Variants in DOCK7 observed in about 807,000 individuals in gnomAD.
DOCK7 encodes dedicator of cytokinesis protein 7.
DOCK7 carries 138 observed loss-of-function variants against 271.0 expected under a neutral mutation model. That is an observed-to-expected ratio of 0.51 (90% CI 0.44 to 0.59). The LOEUF (loss-of-function observed/expected upper bound fraction) is 0.59. Among genes scored for constraint, DOCK7 ranks in the 20% least tolerant of loss-of-function variants. DOCK7 has a pLI of 0.00. For synonymous variants in DOCK7, 823 were observed against 876.1 expected, an observed-to-expected ratio of 0.94 and a Z score of 1.07; for missense variants, 2,066 against 2,592.4, an observed-to-expected ratio of 0.80 and a Z score of 4.41.
chr1:62,462,069 TC>T lies in DOCK7; in HGVS notation c.6213-4365del, dbSNP rs766453297. Among the ~76,000 whole-genome samples the T allele has an allele frequency of 5.0e-3, 609 of 120,808 alleles. 3 individuals carry two copies. Among genetic ancestry groups the T allele is most frequent in the Non-Finnish European group, 7.4e-3 (423 of 57,438 alleles). The allele number at this position is 120,808 out of a possible 152,430, so 79.3% of individuals were successfully genotyped here. A position where few individuals can be genotyped will look rare whatever the true frequency, so the allele number is the denominator to read the frequency against. ...CTGGGCAACAAGAACAAAACTCATC[TC>T]AAAAAAAAAAAAAATTAATAAAATC... On this transcript the variant is annotated intron_variant, in intron 48 of 49. Transcript: ENST00000635253.
chr1:62,520,026 G>C (rs1350272654), intron 31 of DOCK7, among the ~76,000 whole-genome samples: 1 of 152,160 alleles, frequency 6.6e-6, no homozygotes, highest in Non-Finnish European at 1.5e-5. Flanking sequence ...TTAATAAATG[G>C]TGTTCGGAAC....
At chr1:62,629,124 C>T (rs189539175) in intron 11 of DOCK7, 1 of 152,296 alleles carries the variant, frequency 6.6e-6, no homozygotes, top group African/African-American at 2.4e-5. Context: ...CCTTCACACA[C>T]TAGTGGAATG....
At position 62,568,354 on chromosome 1, in the gene DOCK7, G is replaced by A. The variant is rs181949744; in HGVS notation, c.2113-6651C>T. Among the ~76,000 whole-genome samples the A allele has an allele frequency of 5.9e-3, 895 of 151,004 alleles. 6 individuals are homozygous for A. Among genetic ancestry groups the A allele is most frequent in the Middle Eastern group, 0.027 (8 of 292 alleles). ...GTCTCGCTGTCACCTAGACTGGAGT[G>A]CAGTGGCACGATCTCAGCTCACTGC... On this transcript the variant is annotated intron_variant, in intron 18 of 49. Coordinates refer to ENST00000635253, the MANE Select transcript of DOCK7 (RefSeq NM_001367561.1).
At chr1:62,639,620 G>A (rs1373381409) in intron 7 of DOCK7, among the ~76,000 whole-genome samples, 1 of 151,552 alleles carries the variant, frequency 6.6e-6, no homozygotes, top group East Asian at 1.9e-4. Flanking sequence ...ATTTTTAGTA[G>A]AGGGTTCACT....
At chr1:62,459,633 T>A (rs1390894956) in intron 48 of DOCK7, among the ~76,000 whole-genome samples, 3 of 152,148 alleles carry the variant, frequency 2.0e-5, no homozygotes, top group Admixed American at 2.0e-4. Context: ...TAATCTAGAT[T>A]AATATAATTT....
chr1:62,653,395 T>C (rs1384516396), intron 4 of DOCK7, among the ~76,000 whole-genome samples: 1 of 152,212 alleles, frequency 6.6e-6, no homozygotes, highest in African/African-American at 2.4e-5. Flanking sequence ...TAAACTGGAT[T>C]CTTTTTGAGA....
At chr1:62,636,384 ATATT>A (rs1203023633) in intron 8 of DOCK7, among the ~76,000 whole-genome samples, 149 bp downstream of exon 8, 113 of 152,346 alleles carry the variant, frequency 7.4e-4, no homozygotes, top group African/African-American at 2.6e-3. Context: ...TTATAAGAAA[ATATT>A]TAACTAGTCC....
intron 7 of DOCK7, 124 bp from the exon 8 acceptor site, chr1:62,636,727 A>G: frequency 1.4e-6 from 1 of 710,052 alleles, no homozygotes; most frequent in Non-Finnish European, 2.3e-6. Context: ...GCCTTTGCCT[A>G]TATTAAAACT....
At chr1:62,606,540 C>T (rs146824923) in intron 14 of DOCK7, among the ~76,000 whole-genome samples, 53 of 152,202 alleles carry the variant, frequency 3.5e-4, no homozygotes, top group African/African-American at 1.2e-3. Context: ...TAAGTCTAAT[C>T]CCCTTTGATC....
At chr1:62,651,660 T>C (rs567088818) in intron 4 of DOCK7, among the ~76,000 whole-genome samples, 24 of 152,024 alleles carry the variant, frequency 1.6e-4, no homozygotes, top group Non-Finnish European at 2.6e-4. Flanking sequence ...AGATAACGAA[T>C]TGATTTTTAT....
At chr1:62,513,958 G>C in intron 31 of DOCK7, 60 bp from the exon 32 acceptor site, 1 of 1,450,868 alleles carries the variant, frequency 6.9e-7, no homozygotes, top group Non-Finnish European at 9.3e-7. Flanking sequence ...TTGTTTTTTG[G>C]CTATCAACTG....
At chr1:62,659,432 T>A (rs1658413332) in intron 2 of DOCK7, among the ~76,000 whole-genome samples, 3 of 150,570 alleles carry the variant, frequency 2.0e-5, no homozygotes, top group Non-Finnish European at 3.0e-5. Context: ...TAAATCAAAA[T>A]GGAATTCTAA....
chr1:62,595,624 C>G (rs554762768), intron 14 of DOCK7, among the ~76,000 whole-genome samples: 2 of 152,230 alleles, frequency 1.3e-5, no homozygotes, highest in East Asian at 1.9e-4. Context: ...AATGAAGAGG[C>G]ATTTCTAAGA....
intron 1 of DOCK7, among the ~76,000 whole-genome samples, chr1:62,683,508 CT>C (rs1661392962): frequency 6.6e-6 from 1 of 152,172 alleles, no homozygotes; most frequent in African/African-American, 2.4e-5. Flanking sequence ...AATTATGCTA[CT>C]TATGCAGCAA....
In DOCK7 at chr1:62,455,391, T is replaced by C. The variant is rs2149215314; in HGVS notation, c.*23A>G. The C allele has an allele frequency of 6.2e-7, 1 of 1,612,272 alleles. No individual in the cohort carries two copies. The highest frequency in any genetic ancestry group is 2.2e-5 in the East Asian group (1 of 44,808). ...TGTTGAATACATGGCTCTTTGCAGA[T>C]GAATAAAACAAGTGCATTCAGTTTA... On this transcript the variant is annotated 3_prime_UTR_variant, in exon 50 of 50. Coordinates refer to ENST00000635253, the MANE Select transcript of DOCK7 (RefSeq NM_001367561.1).
chr1:62,653,015 G>A (rs1344995374), intron 4 of DOCK7, among the ~76,000 whole-genome samples: 1 of 152,110 alleles, frequency 6.6e-6, no homozygotes, highest in Non-Finnish European at 1.5e-5. Flanking sequence ...GTGCTATTTT[G>A]CATAGATTAT....
chr1:62,669,927 T>C (rs1221989284), intron 1 of DOCK7, among the ~76,000 whole-genome samples: 1 of 152,230 alleles, frequency 6.6e-6, no homozygotes, highest in Non-Finnish European at 1.5e-5. Flanking sequence ...TGTGCGGCAC[T>C]TGCGGGCCAG....
chr1:62,644,651 GTAGAAA>G (rs1198142590), intron 7 of DOCK7, among the ~76,000 whole-genome samples: 6 of 152,130 alleles, frequency 3.9e-5, no homozygotes, highest in African/African-American at 1.4e-4. Flanking sequence ...CTTCTTAATA[GTAGAAA>G]TAATGTTCTC....
At chr1:62,557,977 T>C (rs1426191483) in intron 20 of DOCK7, among the ~76,000 whole-genome samples, 8 of 152,184 alleles carry the variant, frequency 5.3e-5, no homozygotes, top group African/African-American at 1.7e-4. Context: ...CATCTCTACA[T>C]AGCATAGCCA....
Sources: gnomAD v4.1 joint callset for allele counts (sites outside exome capture counted in the v4.1 genomes callset) on GRCh38, gnomAD v4.1.1 for gene constraint, MANE v1.5 for transcripts, NCBI Gene and HGNC (gene_info 2026-07-23, HGNC 2026-07-21) for gene names.